FBXO8: variants seen among roughly 807,000 people sequenced by gnomAD.
FBXO8 encodes F-box only protein 8.
Under a neutral mutation model 33.4 loss-of-function variants are expected in FBXO8, and 15 were observed. The observed-to-expected ratio is 0.45, with a 90% CI of 0.30 to 0.69. The LOEUF (loss-of-function observed/expected upper bound fraction) is 0.69. Ranked by LOEUF, FBXO8 falls within the 30% of genes least tolerant of loss-of-function variation. The pLI is 0.08. For missense variants in FBXO8, 274 were observed against 380.3 expected (o/e 0.72, Z 2.32); for synonymous variants, 132 against 131.5 (o/e 1.00, Z -0.02).
Position 174,270,143 on chromosome 4 carries a change from T to C in FBXO8, c.-8-7043A>G, listed in dbSNP as rs547497939. ...GTGCGACCTTGAACACTCAGTGGTA[T>C]TGTGTATAAACATGCCACATTAGCC... On this transcript the variant is annotated intron_variant, in intron 1 of 5. Transcript: ENST00000393674. The surrounding 1 kb of genome is among the most constrained non-coding windows in gnomAD (Gnocchi z 4.6). 6.6e-6 allele frequency among the ~76,000 whole-genome samples: 1 copy of C among 152,344 alleles called. No individual in the cohort carries two copies. Among genetic ancestry groups the C allele is most frequent in the African/African-American group, 2.4e-5 (1 of 41,584 alleles).
chr4:174,269,276 A>G (rs756646853), intron 1 of FBXO8: 23 of 152,158 alleles, frequency 1.5e-4, no homozygotes, highest in Admixed American at 3.9e-4. Flanking sequence ...AAAATTCTCC[A>G]TAAGATTTCA....
In FBXO8 at chr4:174,278,755, CAA is replaced by C. The variant is rs201522776; in HGVS notation, c.-9+4653_-9+4654del. On this transcript the variant is annotated intron_variant, in intron 1 of 5. Transcript: ENST00000393674. This position sits in a 1 kb window ranked among gnomAD's most constrained non-coding sequence, Gnocchi z 4.1. ...AGTGCTATGGAATTAAAAACCAAAACAAAAGTCATAATTCTCACTGAGTTGCT... is the reference window on the plus strand; with the variant it reads ...AGTGCTATGGAATTAAAAACCAAAACAAGTCATAATTCTCACTGAGTTGCT... 0.022 allele frequency among the ~76,000 whole-genome samples: 3,279 copies of C among 152,050 alleles called. 55 individuals carry two copies. Among genetic ancestry groups the C allele is most frequent in the Non-Finnish European group, 0.033 (2,243 of 67,910 alleles).
rs984553812 is a variant in FBXO8, at chr4:174,267,409, C to A, written c.-8-4309G>T. Among the ~76,000 whole-genome samples the A allele has an allele frequency of 6.6e-6, 1 of 151,938 alleles. No homozygotes were observed. ...AAATACAAAAAAAGTTAGCTAGGTG[C>A]GATGGTGCATACCTGTAGTCCTATC... is the stretch of plus-strand genomic sequence containing the variant. On this transcript the variant is annotated intron_variant, in intron 1 of 5. Coordinates refer to ENST00000393674, the MANE Select transcript of FBXO8 (RefSeq NM_012180.3). This position sits in a 1 kb window ranked among gnomAD's most constrained non-coding sequence, Gnocchi z 4.7.
rs1478861860 is a variant in FBXO8, at chr4:174,278,325, T to C, written c.-9+5085A>G. Among the ~76,000 whole-genome samples the C allele has an allele frequency of 6.6e-6, 1 of 152,016 alleles. No individual in the cohort carries two copies. The highest frequency in any genetic ancestry group is 6.5e-5 in the Admixed American group (1 of 15,278). ...CTAAAAGGCATACCATTTGCAGGTT[T>C]TGGTTTTTTTTAATTCAAAAAGATT... On this transcript the variant is annotated intron_variant, in intron 1 of 5. Coordinates refer to ENST00000393674, the MANE Select transcript of FBXO8 (RefSeq NM_012180.3). The surrounding 1 kb of genome is among the most constrained non-coding windows in gnomAD (Gnocchi z 4.1).
rs762481631 is a variant in FBXO8 at position 174,237,404 on chromosome 4, T to A, written c.*8A>T. On this transcript the variant is annotated 3_prime_UTR_variant, in exon 6 of 6. Coordinates refer to ENST00000393674, the MANE Select transcript of FBXO8 (RefSeq NM_012180.3). This position sits in a 1 kb window ranked among gnomAD's most constrained non-coding sequence, Gnocchi z 4.4. ...AAGTAAAAACTGAAGTCCTAGCAAT[T>A]GTGCTTTTTATGCAGCCACATGGCC... 3.2e-5 allele frequency: 52 copies of A among 1,608,486 alleles called. No individual in the cohort carries two copies. In the Admixed American group the frequency reaches 8.5e-4, roughly 26 times the overall value.
In FBXO8 at chr4:174,270,718, G is replaced by T. The variant is rs1736819159; in HGVS notation, c.-8-7618C>A. On this transcript the variant is annotated intron_variant, in intron 1 of 5. Coordinates refer to ENST00000393674, the MANE Select transcript of FBXO8 (RefSeq NM_012180.3). This position sits in a 1 kb window ranked among gnomAD's most constrained non-coding sequence, Gnocchi z 4.6. Reference sequence around the variant, plus strand: ...TGCAACCTCCACCTCCCAGGTTCAAGTGATTCTCCTGTCTCAGCCTCCCGA... The same window carrying T: ...TGCAACCTCCACCTCCCAGGTTCAATTGATTCTCCTGTCTCAGCCTCCCGA... Among the ~76,000 whole-genome samples the T allele has an allele frequency of 6.6e-6, 1 of 151,540 alleles. No homozygotes were observed. Among genetic ancestry groups the T allele is most frequent in the Non-Finnish European group, 1.5e-5 (1 of 67,930 alleles).
rs1032568261 is a variant in FBXO8, at chr4:174,277,910, A to G, written c.-9+5500T>C. On this transcript the variant is annotated intron_variant, in intron 1 of 5. Coordinates refer to ENST00000393674, the MANE Select transcript of FBXO8 (RefSeq NM_012180.3). This position sits in a 1 kb window ranked among gnomAD's most constrained non-coding sequence, Gnocchi z 4.9. ...TATTTTTGGTTACTTCAGGTTTTAA[A>G]AATCTTTAAGGGATATCATGTGATA... is the stretch of plus-strand genomic sequence containing the variant. Among the ~76,000 whole-genome samples the G allele has an allele frequency of 6.6e-6, 1 of 152,140 alleles. No homozygotes were observed. The highest frequency in any genetic ancestry group is 1.5e-5 in the Non-Finnish European group (1 of 67,976).
In FBXO8 at chr4:174,283,289, T is replaced by G. The variant is rs951825510; in HGVS notation, c.-9+121A>C. 1 of 152,678 alleles carries G rather than the reference T, an allele frequency of 6.5e-6. No individual in the cohort carries two copies. The highest frequency in any genetic ancestry group is 1.5e-5 in the Non-Finnish European group (1 of 68,056). The allele number at this position is 152,678 out of a possible 1,614,324, so 9.5% of individuals were successfully genotyped here. On this transcript the variant is annotated intron_variant, in intron 1 of 5. Transcript: ENST00000393674. This position sits in a 1 kb window ranked among gnomAD's most constrained non-coding sequence, Gnocchi z 6.7. ...CTTCGCACTGTCATTGGTCGCAAAC[T>G]CTTGCTGGTCGGCCAGTTTCGGCCA...
In FBXO8 at chr4:174,274,022, C is replaced by A. The variant is rs552690942; in HGVS notation, c.-9+9388G>T. Among the ~76,000 whole-genome samples the A allele has an allele frequency of 9.9e-4, 151 of 152,294 alleles. No homozygotes were observed. Among genetic ancestry groups the A allele is most frequent in the African/African-American group, 3.4e-3 (143 of 41,566 alleles). ...CTGAGTCCAAAGCTTTTATTCTTAA[C>A]CCACAAACCATATTCCCAGAACCGC... is the stretch of plus-strand genomic sequence containing the variant. On this transcript the variant is annotated intron_variant, in intron 1 of 5. Transcript: ENST00000393674. This position sits in a 1 kb window ranked among gnomAD's most constrained non-coding sequence, Gnocchi z 4.0.
intron 1 of FBXO8, among the ~76,000 whole-genome samples, chr4:174,276,603 G>A (rs541905495): frequency 6.6e-6 from 1 of 152,172 alleles, no homozygotes; most frequent in East Asian, 1.9e-4. Flanking sequence ...TTTTTGAGAG[G>A]GAGTCTCGCT....
rs1422195921 is a variant in FBXO8 at position 174,267,940 on chromosome 4, T to C, written c.-8-4840A>G. On this transcript the variant is annotated intron_variant, in intron 1 of 5. Coordinates refer to ENST00000393674, the MANE Select transcript of FBXO8 (RefSeq NM_012180.3). This position sits in a 1 kb window ranked among gnomAD's most constrained non-coding sequence, Gnocchi z 4.7. ...TTGAAATCACTAGTTTTGGTGTAAA[T>C]ATGGATTTTGTGATGAAACTACAGC... 2.6e-5 allele frequency among the ~76,000 whole-genome samples: 4 copies of C among 152,214 alleles called. No individual in the cohort carries two copies. Among genetic ancestry groups the C allele is most frequent in the Non-Finnish European group, 5.9e-5 (4 of 68,036 alleles).
rs1735919541 is a variant in FBXO8, at chr4:174,237,713, A to C, written c.773-114T>G. ...TTCAAGATATCAAGATTAGCTCATA[A>C]ATACAGAGTGACCAATCCATCCCAG... On this transcript the variant is annotated intron_variant, in intron 5 of 5. Coordinates refer to ENST00000393674, the MANE Select transcript of FBXO8 (RefSeq NM_012180.3). This position sits in a 1 kb window ranked among gnomAD's most constrained non-coding sequence, Gnocchi z 4.4. The C allele has an allele frequency of 2.7e-5, 24 of 902,322 alleles. No individual in the cohort carries two copies. The South Asian group carries it at 4.6e-4, about 17-fold the overall frequency. 55.9% of individuals were successfully genotyped at this position (902,322 alleles called of 1,614,324 possible). A position where few individuals can be genotyped will look rare whatever the true frequency, so the allele number is the denominator to read the frequency against.
At chr4:174,244,999 G>T (rs1736127498) in intron 3 of FBXO8, among the ~76,000 whole-genome samples, 1 of 151,596 alleles carries the variant, frequency 6.6e-6, no homozygotes, top group African/African-American at 2.4e-5. Context: ...TTACATATAT[G>T]CATCTGCTTT....
In FBXO8 at chr4:174,262,788, G is replaced by C. The variant is rs771489632; in HGVS notation, c.305C>G (p.Ala102Gly). The change falls in exon 2 of 6, where the codon GCG (alanine) becomes GGG (glycine). Residue 102 changes from alanine (A) to glycine (G), a missense_variant. Around this residue, in one of 2 missense-constraint regions of FBXO8, gnomAD observed 186 missense variants for 293.4 expected, o/e 0.63. Transcript: ENST00000393674. The surrounding 1 kb of genome is among the most constrained non-coding windows in gnomAD (Gnocchi z 4.6). ...CCCTTGCCAGAGAAGTTCATCATTC[G>C]CAAGGTCCTGCCAAACACATGAAGC... Reference protein sequence around the residue: ...CLASCVWQDLANDELLWQGLC... With the variant: ...CLASCVWQDLGNDELLWQGLC... 2.5e-6 allele frequency: 4 copies of C among 1,613,300 alleles called. No individual in the cohort carries two copies. The Admixed American group carries it at 6.7e-5, about 27-fold the overall frequency.
rs1409688602 is a variant in FBXO8, at chr4:174,278,158, G to A, written c.-9+5252C>T. ...AGGCAACAAATGTAGAGAAATAAAG[G>A]AAGGGTAAGTCCACAAGGAGGTCTT... On this transcript the variant is annotated intron_variant, in intron 1 of 5. Coordinates refer to ENST00000393674, the MANE Select transcript of FBXO8 (RefSeq NM_012180.3). The surrounding 1 kb of genome is among the most constrained non-coding windows in gnomAD (Gnocchi z 4.1). Among the ~76,000 whole-genome samples the A allele has an allele frequency of 6.6e-6, 1 of 151,996 alleles. No individual in the cohort carries two copies. Among genetic ancestry groups the A allele is most frequent in the Non-Finnish European group, 1.5e-5 (1 of 67,928 alleles).
rs917197510 is a variant in FBXO8, at chr4:174,251,856, G to T, written c.456+7843C>A. Among the ~76,000 whole-genome samples, 7 of 152,088 alleles carry T rather than the reference G, an allele frequency of 4.6e-5. No homozygotes were observed. The highest frequency in any genetic ancestry group is 1.0e-4 in the Non-Finnish European group (7 of 67,994). On this transcript the variant is annotated intron_variant, in intron 3 of 5. Coordinates refer to ENST00000393674, the MANE Select transcript of FBXO8 (RefSeq NM_012180.3). This position sits in a 1 kb window ranked among gnomAD's most constrained non-coding sequence, Gnocchi z 4.2. The stretch of plus-strand genomic sequence containing the variant: ...GGGTAAACAGTTCTTACAGAGGGGG[G>T]AGCTACTTAAGCCATATTTGGTGAG...
In FBXO8 at chr4:174,281,335, C is replaced by T. The variant is rs1560877740; in HGVS notation, c.-9+2075G>A. On this transcript the variant is annotated intron_variant, in intron 1 of 5. Coordinates refer to ENST00000393674, the MANE Select transcript of FBXO8 (RefSeq NM_012180.3). This position sits in a 1 kb window ranked among gnomAD's most constrained non-coding sequence, Gnocchi z 4.6. ...TCTTGAAAAATACACGAACTGCTGACTAAATGGTTAAACTCCCTAAAGCTG... is the reference window on the plus strand; with the variant it reads ...TCTTGAAAAATACACGAACTGCTGATTAAATGGTTAAACTCCCTAAAGCTG... Among the ~76,000 whole-genome samples, 1 of 152,166 alleles carries T rather than the reference C, an allele frequency of 6.6e-6. No homozygotes were observed. Among genetic ancestry groups the T allele is most frequent in the African/African-American group, 2.4e-5 (1 of 41,440 alleles).
rs563785255 is a variant in FBXO8, at chr4:174,283,643, C to A, written c.-242G>T. On this transcript the variant is annotated 5_prime_UTR_variant, in exon 1 of 6. Coordinates refer to ENST00000393674, the MANE Select transcript of FBXO8 (RefSeq NM_012180.3). This position sits in a 1 kb window ranked among gnomAD's most constrained non-coding sequence, Gnocchi z 6.7. The stretch of plus-strand genomic sequence containing the variant: ...TGCAGGGGCCAGAACTGCCGACTAT[C>A]CCAATTTTGACGTTTCCTATTGTTG... The A allele has an allele frequency of 8.1e-6, 3 of 372,508 alleles. No homozygotes were observed. Among genetic ancestry groups the A allele is most frequent in the Non-Finnish European group, 1.4e-5 (3 of 210,336 alleles). The allele number at this position is 372,508 out of a possible 1,614,324, so 23.1% of individuals were successfully genotyped here.
chr4:174,238,634 G>C (rs531632016), intron 5 of FBXO8, among the ~76,000 whole-genome samples: 1 of 150,098 alleles, frequency 6.7e-6, no homozygotes, highest in East Asian at 1.9e-4. Context: ...CACAGTCTAT[G>C]TGTATGTCTA....
Sources: allele counts gnomAD v4.1 joint callset (sites outside exome capture counted in the v4.1 genomes callset), GRCh38; gene constraint gnomAD v4.1.1; regional missense constraint gnomAD v4.1.1; non-coding constraint Gnocchi (gnomAD v3.1); transcripts MANE v1.5; gene names NCBI Gene and HGNC (gene_info 2026-07-23, HGNC 2026-07-21).